Variants in ZBTB2 observed in about 807,000 individuals in gnomAD.
ZBTB2 encodes the protein zinc finger and BTB domain-containing protein 2.
In ZBTB2, 2 loss-of-function variants were observed where a neutral mutation model predicts 39.5. The observed-to-expected ratio is 0.05, with a 90% confidence interval of 0.02 to 0.16. ZBTB2 has a LOEUF of 0.16. Among genes scored for constraint, ZBTB2 ranks in the 10% least tolerant of loss-of-function variants. ZBTB2 has a pLI of 1.00. For missense variants in ZBTB2, 391 were observed against 653.0 expected, an observed-to-expected ratio of 0.60 and a Z score of 4.37; for synonymous variants, 251 against 256.6, an observed-to-expected ratio of 0.98 and a Z score of 0.21.
chr6:151,369,425 TGACTGCA>T (rs1778730564), intron 2 of ZBTB2, among the ~76,000 whole-genome samples: 2 of 152,116 alleles, frequency 1.3e-5, no homozygotes, highest in Non-Finnish European at 2.9e-5. Context: ...TGATCATAGC[TGACTGCA>T]GCCTCAGCCT....
At chr6:151,382,179 G>A (rs1284990588) in intron 1 of ZBTB2, among the ~76,000 whole-genome samples, 1 of 152,104 alleles carries the variant, frequency 6.6e-6, no homozygotes, top group Non-Finnish European at 1.5e-5. Context: ...TAATCTTATG[G>A]GACCATTGTT....
chr6:151,384,318 T>C (rs552745551), intron 1 of ZBTB2, among the ~76,000 whole-genome samples: 25 of 152,250 alleles, frequency 1.6e-4, no homozygotes, highest in Non-Finnish European at 1.5e-5. Context: ...GATGACTTGA[T>C]AAGATCTCTA....
chr6:151,389,765 C>G (rs1001366750), intron 1 of ZBTB2, among the ~76,000 whole-genome samples: 1 of 152,080 alleles, frequency 6.6e-6, no homozygotes, highest in African/African-American at 2.4e-5. Context: ...TTCACGTATT[C>G]GGGTGGAAGT....
chr6:151,385,806 G>A (rs904030243), intron 1 of ZBTB2, among the ~76,000 whole-genome samples: 1 of 152,218 alleles, frequency 6.6e-6, no homozygotes, highest in South Asian at 2.1e-4. Context: ...ATATTGGAGG[G>A]CCCATGAAGT....
At chr6:151,369,886 C>T (rs1216191321) in intron 2 of ZBTB2, among the ~76,000 whole-genome samples, 6 of 151,940 alleles carry the variant, frequency 3.9e-5, no homozygotes, top group South Asian at 2.1e-4. Flanking sequence ...CCAGCCTGGG[C>T]GACAAGAGCG....
chr6:151,376,302 A>C (rs1209729598), intron 1 of ZBTB2, among the ~76,000 whole-genome samples: 1 of 152,236 alleles, frequency 6.6e-6, no homozygotes, highest in African/African-American at 2.4e-5. Flanking sequence ...TACACTTGAC[A>C]TCAAAAGCAG....
intron 2 of ZBTB2, among the ~76,000 whole-genome samples, chr6:151,367,401 G>A (rs112692295): frequency 1.5e-4 from 23 of 152,272 alleles, no homozygotes; most frequent in Non-Finnish European, 2.8e-4. Context: ...GATTATAGGC[G>A]TGAGCCACCA....
At chr6:151,370,459 G>C (rs183459753) in intron 2 of ZBTB2, among the ~76,000 whole-genome samples, 2 of 152,224 alleles carry the variant, frequency 1.3e-5, no homozygotes, top group East Asian at 3.9e-4. Context: ...TCCTTCACTA[G>C]AATTTTAAAA....
At chr6:151,389,483 C>T (rs1013202542) in intron 1 of ZBTB2, among the ~76,000 whole-genome samples, 3 of 152,204 alleles carry the variant, frequency 2.0e-5, no homozygotes, top group African/African-American at 7.2e-5. Context: ...GTACAACTCG[C>T]CCTGGTGCTC....
chr6:151,367,542 T>C (rs949557939), intron 2 of ZBTB2, among the ~76,000 whole-genome samples: 1 of 152,230 alleles, frequency 6.6e-6, no homozygotes, highest in Non-Finnish European at 1.5e-5. Flanking sequence ...CACTTGATTG[T>C]CATTCATTCT....
In ZBTB2 at chr6:151,366,844, G is replaced by A. The variant is rs567281050; in HGVS notation, c.222C>T (p.Ser74=). ...KPTDIQPDIF[S]YLLHLMYTGK... ...CAGTGTACATCAAGTGTAAGAGATA[G>A]CTGAAGATGTCGGGCTGTATGTCAG... Residue 74 remains serine (S), a synonymous_variant, in exon 3 of 3, where the codon AGC becomes AGT. Coordinates refer to ENST00000325144, the MANE Select transcript of ZBTB2 (RefSeq NM_020861.3). The surrounding 1 kb of genome is among the most constrained non-coding windows in gnomAD (Gnocchi z 7.1). 6.2e-7 allele frequency: 1 copy of A among 1,613,756 alleles called. No individual in the cohort carries two copies. The highest frequency in any genetic ancestry group is 1.1e-5 in the South Asian group (1 of 91,044).
intron 1 of ZBTB2, among the ~76,000 whole-genome samples, chr6:151,378,742 A>G (rs1778969495): frequency 6.6e-6 from 1 of 152,230 alleles, no homozygotes; most frequent in African/African-American, 2.4e-5. Context: ...GAGGTCCCAC[A>G]GCTTCAGGTG....
rs146906788 is a variant in ZBTB2, at chr6:151,366,062, G to A, written c.1004C>T (p.Ser335Leu). ...AATGTCTGAGGGGGGTGGGGTTTCCGACTGCTGCTGCCCATCGATGATGGG... is the reference window on the plus strand; with the variant it reads ...AATGTCTGAGGGGGGTGGGGTTTCCAACTGCTGCTGCCCATCGATGATGGG... ...DSPIIDGQQQ[S>L]ETPPPSDIAD... The change falls in exon 3 of 3, where the codon TCG (serine) becomes TTG (leucine). Residue 335 changes from serine to leucine, a missense_variant. Around this residue, in one of 7 missense-constraint regions of ZBTB2, gnomAD observed 80 missense variants for 125.2 expected, o/e 0.64. Transcript: ENST00000325144. This position sits in a 1 kb window ranked among gnomAD's most constrained non-coding sequence, Gnocchi z 7.1. 7.9e-4 allele frequency: 1,273 copies of A among 1,614,108 alleles called. 2 individuals carry two copies. The highest frequency in any genetic ancestry group is 1.8e-3 in the Middle Eastern group (11 of 6,062).
intron 1 of ZBTB2, among the ~76,000 whole-genome samples, chr6:151,377,694 C>T (rs1022735207): frequency 6.6e-6 from 1 of 151,908 alleles, no homozygotes; most frequent in African/African-American, 2.4e-5. Context: ...CGCCCACCAC[C>T]ATGCCCAGCT....
chr6:151,374,903 G>A (rs1169621834), intron 1 of ZBTB2, among the ~76,000 whole-genome samples: 3 of 138,022 alleles, frequency 2.2e-5, no homozygotes, highest in African/African-American at 8.1e-5. Flanking sequence ...GACCATCCTG[G>A]CCAACATGGT....
rs199771972 is a variant in ZBTB2 at position 151,366,925 on chromosome 6, A to C, written c.174-33T>G. 1.6e-5 allele frequency: 25 copies of C among 1,568,708 alleles called. No homozygotes were observed. The African/African-American group carries it at 2.2e-4, about 14-fold the overall frequency. ...AAACAAGTAAAAAAATACGTGAGTA[A>C]ATGCCAGTCTAGGTGTTAACATAAA... is the stretch of plus-strand genomic sequence containing the variant. On this transcript the variant is annotated intron_variant, in intron 2 of 2. Coordinates refer to ENST00000325144, the MANE Select transcript of ZBTB2 (RefSeq NM_020861.3). This position sits in a 1 kb window ranked among gnomAD's most constrained non-coding sequence, Gnocchi z 7.1.
At chr6:151,389,688 A>C (rs1363206928) in intron 1 of ZBTB2, among the ~76,000 whole-genome samples, 1 of 152,230 alleles carries the variant, frequency 6.6e-6, no homozygotes, top group African/African-American at 2.4e-5. Flanking sequence ...GAAAGAGCTA[A>C]TGAACAATGC....
In ZBTB2 at chr6:151,366,880, G is replaced by T. The variant is rs1023603307; in HGVS notation, c.186C>A (p.Arg62=). The T allele has an allele frequency of 1.3e-5, 21 of 1,607,068 alleles. No homozygotes were observed. Among genetic ancestry groups the T allele is most frequent in the Admixed American group, 1.7e-5 (1 of 59,532 alleles). ...LFVHQTSECV[R]LKPTDIQPDI... ...CGGGCTGTATGTCAGTTGGTTTCAA[G>T]CGGACACACTCACTGAAAGAAACAA... The change falls in exon 3 of 3, where the codon CGC becomes CGA. Residue 62 remains arginine, a synonymous_variant. Coordinates refer to ENST00000325144, the MANE Select transcript of ZBTB2 (RefSeq NM_020861.3). The surrounding 1 kb of genome is among the most constrained non-coding windows in gnomAD (Gnocchi z 7.1).
chr6:151,371,907 G>T (rs1778796013), intron 2 of ZBTB2, among the ~76,000 whole-genome samples: 1 of 152,216 alleles, frequency 6.6e-6, no homozygotes, highest in Admixed American at 6.5e-5. Context: ...GATACTTGAA[G>T]ATAAGAAAAT....
Sources: gnomAD v4.1 joint callset for allele counts (sites outside exome capture counted in the v4.1 genomes callset) on GRCh38, gnomAD v4.1.1 for gene constraint, gnomAD v4.1.1 regional missense constraint, Gnocchi (gnomAD v3.1) non-coding constraint, MANE v1.5 for transcripts, NCBI Gene and HGNC (gene_info 2026-07-23, HGNC 2026-07-21) for gene names.